Variants in KALRN observed in about 807,000 individuals in gnomAD.
The protein encoded by KALRN is kalirin.
In KALRN, 70 loss-of-function variants were observed where a neutral mutation model predicts 353.7. The ratio of observed to expected loss-of-function variants is 0.20; its 90% CI spans 0.16 to 0.24. The LOEUF (loss-of-function observed/expected upper bound fraction) is 0.24. Ranked by LOEUF, KALRN falls within the 10% of genes least tolerant of loss-of-function variation. KALRN has a pLI of 1.00. For synonymous variants in KALRN, 1,391 were observed against 1,434.8 expected, an observed-to-expected ratio of 0.97 and a Z score of 0.69; for missense variants, 2,791 against 3,756.7, an observed-to-expected ratio of 0.74 and a Z score of 6.72.
At chr3:124,157,736 A>T (rs2069222756) in intron 1 of KALRN, among the ~76,000 whole-genome samples, 1 of 152,204 alleles carries the variant, frequency 6.6e-6, no homozygotes, top group South Asian at 2.1e-4. Flanking sequence ...TTCCTTGTGG[A>T]CTGCTGTCCT....
intron 34 of KALRN, among the ~76,000 whole-genome samples, chr3:124,620,162 G>A (rs2079112442): frequency 6.6e-6 from 1 of 152,044 alleles, no homozygotes; most frequent in Admixed American, 6.6e-5. Flanking sequence ...GTGCAGTGGT[G>A]GAATCACAGC....
chr3:124,482,008 T>C (rs2062039348), intron 27 of KALRN, among the ~76,000 whole-genome samples: 1 of 152,134 alleles, frequency 6.6e-6, no homozygotes. Flanking sequence ...CCCTAGACTT[T>C]GGGGAGTAGA....
chr3:124,398,601 T>A (rs2090462627), intron 12 of KALRN, 96 bp from the exon 13 acceptor site: 3 of 1,209,564 alleles, frequency 2.5e-6, no homozygotes, highest in Non-Finnish European at 3.7e-6. Context: ...CTGATTCACA[T>A]CCACCTTGCT....
intron 1 of KALRN, among the ~76,000 whole-genome samples, chr3:124,078,049 G>A (rs971672729): frequency 5.3e-5 from 8 of 152,198 alleles, no homozygotes; most frequent in African/African-American, 1.9e-4. Context: ...TATTATTCAA[G>A]GACCTCTACG....
chr3:124,659,468 G>A lies in KALRN; in HGVS notation c.6216+11G>A. The A allele has an allele frequency of 6.3e-7, 1 of 1,582,974 alleles. No individual in the cohort carries two copies. Among genetic ancestry groups the A allele is most frequent in the Non-Finnish European group, 8.7e-7 (1 of 1,151,716 alleles). ...CAGTTGCTCCTCAAGGTAAGAAGCT[G>A]GGAGCCTGGGTGAGGGCTGGAGAAG... On this transcript the variant is annotated intron_variant, in intron 43 of 59. Coordinates refer to ENST00000682506, the MANE Select transcript of KALRN (RefSeq NM_001388419.1).
intron 33 of KALRN, among the ~76,000 whole-genome samples, chr3:124,514,574 A>G (rs1343554142): frequency 6.6e-6 from 1 of 152,194 alleles, no homozygotes; most frequent in African/African-American, 2.4e-5. Flanking sequence ...TCTTCAAGGT[A>G]AGTATCATTA....
rs143850589 is a variant in KALRN at position 124,132,063 on chromosome 3, G to T, written c.74-95927G>T. Among the ~76,000 whole-genome samples, 29 of 152,214 alleles carry T rather than the reference G, an allele frequency of 1.9e-4. No homozygotes were observed. In the East Asian group the frequency reaches 5.4e-3, roughly 28 times the overall value. On this transcript the variant is annotated intron_variant, in intron 1 of 59. Transcript: ENST00000682506. ...TTCATGTGGCTGTTTTTTACAAGTA[G>T]ATCTTTAAGAAGACAACTCAGCTGC...
intron 5 of KALRN, among the ~76,000 whole-genome samples, chr3:124,282,236 AT>A (rs1337576761): frequency 6.6e-6 from 1 of 152,178 alleles, no homozygotes; most frequent in African/African-American, 2.4e-5. Context: ...TCCCGAAGAC[AT>A]TTTGGAAGAA....
intron 1 of KALRN, among the ~76,000 whole-genome samples, chr3:124,171,185 A>T (rs1388556608): frequency 6.6e-6 from 1 of 152,072 alleles, no homozygotes; most frequent in Admixed American, 6.6e-5. Flanking sequence ...AGGATTTGGG[A>T]AATTAGGCTC....
At chr3:124,072,218 C>T (rs577001719) in intron 1 of KALRN, among the ~76,000 whole-genome samples, 5 of 152,278 alleles carry the variant, frequency 3.3e-5, no homozygotes, top group African/African-American at 9.6e-5. Context: ...ACATATTACA[C>T]TTCCTTCTGC....
chr3:124,552,049 T>C (rs982005579), intron 33 of KALRN, among the ~76,000 whole-genome samples: 1 of 152,192 alleles, frequency 6.6e-6, no homozygotes, highest in Non-Finnish European at 1.5e-5. Context: ...TCTATGAGGG[T>C]CAGATGATGT....
intron 3 of KALRN, among the ~76,000 whole-genome samples, chr3:124,237,106 G>A (rs1282949172): frequency 6.6e-6 from 1 of 152,250 alleles, no homozygotes; most frequent in East Asian, 1.9e-4. Context: ...TTGTTCTAAA[G>A]ACAGTGAAGT....
intron 33 of KALRN, among the ~76,000 whole-genome samples, chr3:124,561,960 A>G (rs1036698297): frequency 3.9e-5 from 6 of 152,234 alleles, no homozygotes; most frequent in Admixed American, 3.3e-4. Flanking sequence ...AAGGTGAAAA[A>G]GTGAGAAGTC....
At chr3:124,158,996 G>C (rs1026254772) in intron 1 of KALRN, among the ~76,000 whole-genome samples, 2 of 152,062 alleles carry the variant, frequency 1.3e-5, no homozygotes, top group African/African-American at 4.8e-5. Flanking sequence ...TATAGGATCA[G>C]GTATACATCT....
At chr3:124,567,763 G>T (rs980790804) in intron 34 of KALRN, among the ~76,000 whole-genome samples, 3 of 152,106 alleles carry the variant, frequency 2.0e-5, no homozygotes, top group African/African-American at 7.2e-5. Flanking sequence ...TAATCCAGCT[G>T]CCAAGGACCT....
Position 124,202,305 on chromosome 3 carries a change from C to T in KALRN, c.74-25685C>T, listed in dbSNP as rs576735966. 2.0e-5 allele frequency among the ~76,000 whole-genome samples: 3 copies of T among 152,280 alleles called. 1 individual carries two copies. The highest frequency in any genetic ancestry group is 7.2e-5 in the African/African-American group (3 of 41,570). On this transcript the variant is annotated intron_variant, in intron 1 of 59. Transcript: ENST00000682506. The stretch of plus-strand genomic sequence containing the variant: ...TCACTGTGTCACCAAGGCTGGATTG[C>T]AGTGGTGCGATCACAGGTCACTGCA...
intron 33 of KALRN, among the ~76,000 whole-genome samples, chr3:124,538,983 C>T (rs2068765361): frequency 6.6e-6 from 1 of 152,218 alleles, no homozygotes; most frequent in African/African-American, 2.4e-5. Context: ...GCCCAGTGCT[C>T]CTCCTGCCAT....
chr3:124,518,981 G>T, intron 33 of KALRN: 1 of 990,108 alleles, frequency 1.0e-6, no homozygotes, highest in Non-Finnish European at 1.2e-6. Flanking sequence ...GAAGAAGAAG[G>T]GATGATGTGT....
intron 33 of KALRN, among the ~76,000 whole-genome samples, chr3:124,520,661 G>A (rs2067088336): frequency 6.6e-6 from 1 of 152,170 alleles, no homozygotes; most frequent in East Asian, 1.9e-4. Flanking sequence ...ACTCCCATGA[G>A]CTAGTAACAA....
Sources: allele counts gnomAD v4.1 joint callset (sites outside exome capture counted in the v4.1 genomes callset), GRCh38; gene constraint gnomAD v4.1.1; transcripts MANE v1.5; gene names NCBI Gene and HGNC (gene_info 2026-07-23, HGNC 2026-07-21).